SNAP91: variants seen among roughly 807,000 people sequenced by gnomAD.
SNAP91 encodes the protein clathrin coat assembly protein AP180.
In SNAP91, 27 loss-of-function variants were observed where a neutral mutation model predicts 100.3. That is an observed-to-expected ratio of 0.27 (90% CI 0.20 to 0.37). The LOEUF (loss-of-function observed/expected upper bound fraction) is 0.37. Among genes scored for constraint, SNAP91 ranks in the 10% least tolerant of loss-of-function variants. SNAP91 has a pLI of 1.00. For missense variants in SNAP91, 986 were observed against 1,123.7 expected, an observed-to-expected ratio of 0.88 and a Z score of 1.75; for synonymous variants, 404 against 398.6, an observed-to-expected ratio of 1.01 and a Z score of -0.16.
intron 11 of SNAP91, among the ~76,000 whole-genome samples, chr6:83,612,909 AAAAT>A (rs981102595): frequency 4.0e-5 from 6 of 151,442 alleles, no homozygotes; most frequent in East Asian, 1.9e-4. Flanking sequence ...AAAAAAAAAA[AAAAT>A]ATCAACAGCT....
At chr6:83,646,348 T>C (rs1214942167) in intron 7 of SNAP91, among the ~76,000 whole-genome samples, 2 of 152,216 alleles carry the variant, frequency 1.3e-5, no homozygotes, top group Non-Finnish European at 2.9e-5. Context: ...AGGATGTTTA[T>C]AGTTTTGCAT....
At position 83,583,126 on chromosome 6, in the gene SNAP91, G is replaced by A. The variant is rs1269374162; in HGVS notation, c.2015-770C>T. 3.9e-5 allele frequency among the ~76,000 whole-genome samples: 6 copies of A among 152,214 alleles called. 1 individual carries two copies. The highest frequency in any genetic ancestry group is 1.9e-4 in the East Asian group (1 of 5,166). On this transcript the variant is annotated intron_variant, in intron 22 of 29. Coordinates refer to ENST00000369694, the MANE Select transcript of SNAP91 (RefSeq NM_001242792.2). ...AGGCTGCAGCTGTGATCCGCCACTC[G>A]CAGTGTCAGATGCCTGCTCTGGGAG...
intron 7 of SNAP91, among the ~76,000 whole-genome samples, chr6:83,647,915 A>G (rs2098015399): frequency 1.3e-5 from 2 of 152,306 alleles, no homozygotes; most frequent in South Asian, 4.1e-4. Context: ...TTCTTGCTGC[A>G]TCATAACATG....
At position 83,679,366 on chromosome 6, in the gene SNAP91, A is replaced by T. The variant is rs540976934; in HGVS notation, c.131-13785T>A. On this transcript the variant is annotated intron_variant, in intron 2 of 29. Transcript: ENST00000369694. ...AAAAGAAAAGGGAAACTAGTTTTTT[A>T]AAAAATGGTTTTTACACTTCTTTAA... Among the ~76,000 whole-genome samples, 411 of 152,302 alleles carry T rather than the reference A, an allele frequency of 2.7e-3. 1 individual carries two copies. Among genetic ancestry groups the T allele is most frequent in the Non-Finnish European group, 4.3e-3 (290 of 68,022 alleles).
At chr6:83,601,822 G>C (rs1264618531) in intron 14 of SNAP91, among the ~76,000 whole-genome samples, 2 of 152,144 alleles carry the variant, frequency 1.3e-5, no homozygotes, top group Non-Finnish European at 2.9e-5. Context: ...TTCACCTTTA[G>C]ACATGTACTT....
intron 7 of SNAP91, among the ~76,000 whole-genome samples, 199 bp from the exon 8 acceptor site, chr6:83,641,401 C>T (rs1244933719): frequency 1.3e-5 from 2 of 152,116 alleles, no homozygotes; most frequent in Non-Finnish European, 2.9e-5. Context: ...CCAAGATAAT[C>T]ATCTGTCTCA....
intron 2 of SNAP91, among the ~76,000 whole-genome samples, chr6:83,666,591 T>C (rs2098690888): frequency 6.6e-6 from 1 of 152,156 alleles, no homozygotes; most frequent in Non-Finnish European, 1.5e-5. Context: ...ATACATTTTA[T>C]GCATTGCATT....
At chr6:83,671,204 G>A (rs217297) in intron 2 of SNAP91, among the ~76,000 whole-genome samples, 73,528 of 151,738 alleles carry the variant, frequency 0.48, 18,338 homozygotes, top group African/African-American at 0.61. Context: ...GTTCTTTTCA[G>A]TACATCAGTC....
At chr6:83,573,462 A>C (rs1249910947) in intron 26 of SNAP91, among the ~76,000 whole-genome samples, 3 of 152,314 alleles carry the variant, frequency 2.0e-5, no homozygotes, top group Admixed American at 6.5e-5. Context: ...TTTAAAGTTC[A>C]TATGGAACCA....
chr6:83,563,149 C>A (rs576174728), intron 26 of SNAP91, among the ~76,000 whole-genome samples: 1 of 152,268 alleles, frequency 6.6e-6, no homozygotes, highest in South Asian at 2.1e-4. Flanking sequence ...GGCTTCCCAC[C>A]ACAATAAAGA....
At chr6:83,705,938 T>C (rs903085926) in intron 2 of SNAP91, among the ~76,000 whole-genome samples, 1 of 152,230 alleles carries the variant, frequency 6.6e-6, no homozygotes, top group African/African-American at 2.4e-5. Flanking sequence ...CTTATGACCA[T>C]TCATATTAAT....
intron 7 of SNAP91, among the ~76,000 whole-genome samples, chr6:83,654,568 T>C (rs1212883814): frequency 1.3e-5 from 2 of 152,154 alleles, no homozygotes; most frequent in Non-Finnish European, 2.9e-5. Context: ...AAAAGGAAAT[T>C]AGATCCAGTG....
chr6:83,685,038 G>A (rs898297680), intron 2 of SNAP91, among the ~76,000 whole-genome samples: 1 of 152,152 alleles, frequency 6.6e-6, no homozygotes, highest in Non-Finnish European at 1.5e-5. Flanking sequence ...ACTCCTTTAT[G>A]GATCTAAGTT....
In SNAP91 at chr6:83,580,438, T is replaced by C. The variant is rs1218722734; in HGVS notation, c.2299+12A>G. The C allele has an allele frequency of 4.5e-6, 7 of 1,550,248 alleles. No individual in the cohort carries two copies. The highest frequency in any genetic ancestry group is 2.1e-5 in the Admixed American group (1 of 47,846). On this transcript the variant is annotated intron_variant, in intron 24 of 29. Transcript: ENST00000369694. ...TCAGTTAAAGAAAAAAAAAAAAAAC[T>C]AGATTACTCACTGCCTACTAAGCTG...
At chr6:83,612,012 C>T (rs1459478953) in intron 11 of SNAP91, among the ~76,000 whole-genome samples, 3 of 151,706 alleles carry the variant, frequency 2.0e-5, no homozygotes, top group Non-Finnish European at 2.9e-5. Flanking sequence ...TGAGCCACCG[C>T]GCCAGGCCCA....
chr6:83,619,152 A>G (rs2128379132), intron 9 of SNAP91, among the ~76,000 whole-genome samples: 1 of 152,292 alleles, frequency 6.6e-6, no homozygotes, highest in East Asian at 1.9e-4. Flanking sequence ...AAATTTGATC[A>G]AGGAATACAA....
intron 16 of SNAP91, 58 bp downstream of exon 16, chr6:83,601,213 A>G (rs1445659976): frequency 6.4e-7 from 1 of 1,573,922 alleles, no homozygotes; most frequent in Non-Finnish European, 8.7e-7. Flanking sequence ...AAAGACCTTA[A>G]CTCCCAAGTA....
In SNAP91 at chr6:83,593,576, G is replaced by T. The variant is rs200557175; in HGVS notation, c.1598C>A (p.Ala533Asp). ...GGCGGTGGCAGCAGTAGTGGCAGCA[G>T]CAGCAGCTGCAACGGCAGGAGCAGG... is the stretch of plus-strand genomic sequence containing the variant. ...PSPAPAVAAA[A>D]AATTAATAAA... Residue 533 changes from alanine to aspartate, a missense_variant, in exon 18 of 30, where the codon GCT becomes GAT. Physicochemically the swap from Ala to Asp is moderately radical, Grantham distance 126. Transcript: ENST00000369694. 5,714 of 1,559,212 alleles carry T rather than the reference G, an allele frequency of 3.7e-3. 12 individuals are homozygous for T. The highest frequency in any genetic ancestry group is 4.5e-3 in the Non-Finnish European group (5,198 of 1,150,764).
chr6:83,592,470 T>C lies in SNAP91; in HGVS notation c.1915A>G (p.Ile639Val). 1 of 1,611,992 alleles carries C rather than the reference T, an allele frequency of 6.2e-7. No homozygotes were observed. Among genetic ancestry groups the C allele is most frequent in the Non-Finnish European group, 8.5e-7 (1 of 1,178,924 alleles). The change falls in exon 21 of 30, where the codon ATA becomes GTA. Residue 639 changes from isoleucine to valine, a missense_variant. Physicochemically the swap from Ile to Val is conservative, Grantham distance 29 (BLOSUM62 3). Transcript: ENST00000369694. ...SPAKVDSSGV[I>V]DLFGDAFGSS... ...AAATACGCACCCCCAAAAAGGTCTA[T>C]GACACCTGAAGAATCCACCTTTGCT...
Sources: gnomAD v4.1 joint callset for allele counts (sites outside exome capture counted in the v4.1 genomes callset) on GRCh38, gnomAD v4.1.1 for gene constraint, MANE v1.5 for transcripts, NCBI Gene and HGNC (gene_info 2026-07-23, HGNC 2026-07-21) for gene names.